The following CAMKMT variants were observed in gnomAD, a reference collection of about 807,000 sequenced individuals.
The protein encoded by CAMKMT is CaM KMT.
A neutral mutation model predicts 48.0 loss-of-function variants in CAMKMT; 53 were observed. That is an observed-to-expected ratio of 1.10 (90% CI 0.89 to 1.39). The LOEUF is 1.39. CAMKMT is among the 40% of genes most tolerant of loss of function. The pLI, the probability that CAMKMT is intolerant of heterozygous loss-of-function variation, is 0.00. For synonymous variants in CAMKMT, 165 were observed against 152.3 expected (o/e 1.08, Z -0.61); for missense variants, 428 against 402.7 (o/e 1.06, Z -0.54).
At chr2:44,683,432 C>T (rs546253138) in intron 3 of CAMKMT, among the ~76,000 whole-genome samples, 1 of 152,296 alleles carries the variant, frequency 6.6e-6, no homozygotes, top group South Asian at 2.1e-4. Flanking sequence ...AGCCCAAACT[C>T]GGTCATTAAC....
chr2:44,440,201 G>C (rs1003878077), intron 3 of CAMKMT, among the ~76,000 whole-genome samples: 3 of 152,194 alleles, frequency 2.0e-5, no homozygotes, highest in African/African-American at 7.2e-5. Context: ...CTAGTCCCAT[G>C]ATTCTAGTGC....
At chr2:44,381,321 A>G (rs1338412035) in intron 2 of CAMKMT, among the ~76,000 whole-genome samples, 2 of 152,226 alleles carry the variant, frequency 1.3e-5, no homozygotes, top group African/African-American at 4.8e-5. Context: ...CATTATTACA[A>G]AATATGTGCA....
chr2:44,588,301 G>C (rs1222700793), intron 3 of CAMKMT, among the ~76,000 whole-genome samples: 1 of 66,790 alleles, frequency 1.5e-5, no homozygotes, highest in African/African-American at 6.6e-5. Context: ...CGTCCGGGAG[G>C]GAGGGGGGGG....
intron 8 of CAMKMT, among the ~76,000 whole-genome samples, chr2:44,752,719 C>G (rs56142620): frequency 0.12 from 17,679 of 152,218 alleles, 1,112 homozygotes; most frequent in African/African-American, 0.16. Flanking sequence ...AGCATCTGGT[C>G]TCTTCTGCCA....
At chr2:44,406,311 G>T (rs1323970248) in intron 3 of CAMKMT, among the ~76,000 whole-genome samples, 2 of 151,846 alleles carry the variant, frequency 1.3e-5, no homozygotes. Context: ...TTTAAAAGGG[G>T]AATTTATATA....
At chr2:44,522,810 C>T (rs1671187713) in intron 3 of CAMKMT, among the ~76,000 whole-genome samples, 1 of 152,160 alleles carries the variant, frequency 6.6e-6, no homozygotes, top group South Asian at 2.1e-4. Flanking sequence ...ATAGTTCATT[C>T]TTCAGTTCAT....
At chr2:44,594,629 A>G (rs1670539294) in intron 3 of CAMKMT, among the ~76,000 whole-genome samples, 1 of 152,202 alleles carries the variant, frequency 6.6e-6, no homozygotes, top group African/African-American at 2.4e-5. Flanking sequence ...CTGAAACTGG[A>G]TCCCTTCCTT....
At chr2:44,363,544 ATT>A (rs937323409) in intron 1 of CAMKMT, among the ~76,000 whole-genome samples, 2 of 142,266 alleles carry the variant, frequency 1.4e-5, no homozygotes, top group Admixed American at 7.0e-5. Context: ...CGCCTGGCTA[ATT>A]TTTTTTTTTT....
intron 3 of CAMKMT, among the ~76,000 whole-genome samples, chr2:44,516,409 G>C (rs1377975574): frequency 6.6e-6 from 1 of 152,126 alleles, no homozygotes; most frequent in Non-Finnish European, 1.5e-5. Flanking sequence ...AGGGGACAGA[G>C]GACATGGATG....
chr2:44,453,011 A>T (rs534593200), intron 3 of CAMKMT, among the ~76,000 whole-genome samples: 1 of 152,178 alleles, frequency 6.6e-6, no homozygotes, highest in East Asian at 1.9e-4. Context: ...AAGATGTCTA[A>T]TTGATTTACT....
At chr2:44,585,154 C>G (rs1388268660) in intron 3 of CAMKMT, among the ~76,000 whole-genome samples, 1 of 152,022 alleles carries the variant, frequency 6.6e-6, no homozygotes, top group Middle Eastern at 3.2e-3. Flanking sequence ...ATAAGCCAGT[C>G]AAGTTAATTT....
intron 3 of CAMKMT, among the ~76,000 whole-genome samples, chr2:44,446,939 C>T (rs1384915641): frequency 6.6e-6 from 1 of 152,194 alleles, no homozygotes; most frequent in Non-Finnish European, 1.5e-5. Context: ...TATTCCTTTT[C>T]CACGTTAGCA....
intron 7 of CAMKMT, among the ~76,000 whole-genome samples, chr2:44,726,768 G>A (rs116098507): frequency 0.019 from 2,905 of 152,214 alleles, 43 homozygotes; most frequent in Non-Finnish European, 0.028. Context: ...ATTTAAAACC[G>A]TAATCCATTT....
intron 3 of CAMKMT, chr2:44,549,865 A>C (rs1424655166): frequency 4.6e-5 from 17 of 366,794 alleles, no homozygotes; most frequent in Admixed American, 3.9e-4. Flanking sequence ...TTGTGTTAAA[A>C]GTCTTGGTGT....
chr2:44,655,265 A>G (rs1190420971), intron 3 of CAMKMT, among the ~76,000 whole-genome samples: 1 of 152,234 alleles, frequency 6.6e-6, no homozygotes, highest in Non-Finnish European at 1.5e-5. Flanking sequence ...GATAAATGAT[A>G]AGCTCCCAAA....
At chr2:44,675,672 A>T (rs1573049989) in intron 3 of CAMKMT, among the ~76,000 whole-genome samples, 4 of 152,232 alleles carry the variant, frequency 2.6e-5, no homozygotes, top group African/African-American at 9.6e-5. Flanking sequence ...TAAAATACAC[A>T]TAATGTAAAA....
chr2:44,422,433 G>A (rs1313022704), intron 3 of CAMKMT, among the ~76,000 whole-genome samples: 2 of 152,168 alleles, frequency 1.3e-5, no homozygotes, highest in African/African-American at 4.8e-5. Flanking sequence ...AACCTGGGAA[G>A]GCTAGAAAAT....
At chr2:44,683,974 A>G (rs1461268666) in intron 3 of CAMKMT, among the ~76,000 whole-genome samples, 2 of 152,184 alleles carry the variant, frequency 1.3e-5, no homozygotes, top group Non-Finnish European at 2.9e-5. Flanking sequence ...GACTTCCACC[A>G]TAGTATTTGC....
chr2:44,458,933 A>G (rs1203025609), intron 3 of CAMKMT, among the ~76,000 whole-genome samples: 1 of 152,180 alleles, frequency 6.6e-6, no homozygotes, highest in Non-Finnish European at 1.5e-5. Flanking sequence ...TTGGGTTTTA[A>G]CTTCTCAAGT....
Sources: allele counts gnomAD v4.1 joint callset (sites outside exome capture counted in the v4.1 genomes callset), GRCh38; gene constraint gnomAD v4.1.1; transcripts MANE v1.5; gene names NCBI Gene and HGNC (gene_info 2026-07-23, HGNC 2026-07-21).